Variants in GMCL1 observed in about 807,000 individuals in gnomAD.
The protein encoded by GMCL1 is germ cell-less protein-like 1.
Under a neutral mutation model 75.5 loss-of-function variants are expected in GMCL1, and 54 were observed. That is an observed-to-expected ratio of 0.71 (90% CI 0.57 to 0.90). GMCL1 has a LOEUF of 0.90. Ranked by LOEUF, GMCL1 falls within the 40% of genes least tolerant of loss-of-function variation. GMCL1 has a pLI of 0.00. For synonymous variants in GMCL1, 210 were observed against 209.6 expected, an observed-to-expected ratio of 1.00 and a Z score of -0.02; for missense variants, 537 against 622.7, an observed-to-expected ratio of 0.86 and a Z score of 1.47.
chr2:69,831,716 C>T (rs1674677872), intron 1 of GMCL1, among the ~76,000 whole-genome samples: 1 of 152,154 alleles, frequency 6.6e-6, no homozygotes, highest in African/African-American at 2.4e-5. Flanking sequence ...AGGCAATTCT[C>T]CCACCTCAGC....
intron 1 of GMCL1, among the ~76,000 whole-genome samples, chr2:69,832,386 C>T (rs1434646152): frequency 6.6e-6 from 1 of 152,178 alleles, no homozygotes; most frequent in Non-Finnish European, 1.5e-5. Flanking sequence ...AAATATGTCT[C>T]CTTGATGAAT....
At chr2:69,849,545 T>G in intron 7 of GMCL1, 107 bp from the exon 8 acceptor site, 1 of 655,094 alleles carries the variant, frequency 1.5e-6, no homozygotes, top group Non-Finnish European at 2.5e-6. Context: ...AAGTAGAAGT[T>G]AAATTTTTTA....
At chr2:69,835,364 T>G (rs1674789429) in intron 1 of GMCL1, among the ~76,000 whole-genome samples, 1 of 152,176 alleles carries the variant, frequency 6.6e-6, no homozygotes, top group Non-Finnish European at 1.5e-5. Context: ...CTAGGTATAC[T>G]GGTGAGAGGG....
At chr2:69,865,982 G>A (rs540953595) in intron 11 of GMCL1, among the ~76,000 whole-genome samples, 28 of 152,168 alleles carry the variant, frequency 1.8e-4, no homozygotes, top group Middle Eastern at 3.4e-3. Flanking sequence ...TGGGCACGGC[G>A]GCTCATGCCT....
rs556748121 is a variant in GMCL1, at chr2:69,850,888, A to T, written c.934+1146A>T. Among the ~76,000 whole-genome samples, 3 of 152,316 alleles carry T rather than the reference A, an allele frequency of 2.0e-5. No homozygotes were observed. The South Asian group carries it at 6.2e-4, about 32-fold the overall frequency. On this transcript the variant is annotated intron_variant, in intron 8 of 13. Coordinates refer to ENST00000282570, the MANE Select transcript of GMCL1 (RefSeq NM_178439.5). ...AATATATCATTTTGTTTTAGTTGTT[A>T]TGGAACTATGTCACATTGTGGCCTT...
In GMCL1 at chr2:69,854,851, T is replaced by A. The variant is rs185003963; in HGVS notation, c.963T>A (p.Thr321=). 2.5e-4 allele frequency: 400 copies of A among 1,610,502 alleles called. 2 individuals carry two copies. The highest frequency in any genetic ancestry group is 4.2e-4 in the Admixed American group (25 of 59,562). ...KDFEGMAFLE[T]EQGKPFVSVF... ...TTGAAGGTATGGCCTTTCTTGAAACTGAACAAGGAAAACCATTTGTGTCAG... is the reference window on the plus strand; with the variant it reads ...TTGAAGGTATGGCCTTTCTTGAAACAGAACAAGGAAAACCATTTGTGTCAG... The change falls in exon 9 of 14, where the codon ACT becomes ACA. Residue 321 remains threonine, a synonymous_variant. Coordinates refer to ENST00000282570, the MANE Select transcript of GMCL1 (RefSeq NM_178439.5).
Position 69,874,391 on chromosome 2 carries a change from T to G in GMCL1, c.1452+2559T>G, listed in dbSNP as rs184196731. On this transcript the variant is annotated intron_variant, in intron 13 of 13. Coordinates refer to ENST00000282570, the MANE Select transcript of GMCL1 (RefSeq NM_178439.5). ...TTTGTTTGTTTGTTTTGAGACAGAG[T>G]CTTGCTCTGTCGCCCAGGCTGGAGT... Among the ~76,000 whole-genome samples, 685 of 152,128 alleles carry G rather than the reference T, an allele frequency of 4.5e-3. 7 individuals carry two copies. Among genetic ancestry groups the G allele is most frequent in the African/African-American group, 0.014 (589 of 41,470 alleles).
chr2:69,860,587 A>T (rs72899283), intron 9 of GMCL1, among the ~76,000 whole-genome samples: 10,368 of 152,162 alleles, frequency 0.068, 936 homozygotes, highest in Admixed American at 0.22. Flanking sequence ...TTTCTGTCAG[A>T]ACTTCTGTAA....
intron 12 of GMCL1, among the ~76,000 whole-genome samples, chr2:69,870,842 T>C (rs1319142029): frequency 6.6e-6 from 1 of 152,056 alleles, no homozygotes; most frequent in Admixed American, 6.6e-5. Context: ...TAGCTATTAG[T>C]AAAAACAGAA....
intron 2 of GMCL1, among the ~76,000 whole-genome samples, chr2:69,838,929 A>G (rs1442656168): frequency 2.0e-5 from 3 of 152,340 alleles, no homozygotes; most frequent in East Asian, 3.9e-4. Context: ...ATTAGTTAAT[A>G]TTTGATCCAT....
chr2:69,855,016 T>C (rs1675430141), intron 9 of GMCL1, 56 bp downstream of exon 9: 6 of 1,281,246 alleles, frequency 4.7e-6, no homozygotes, highest in Non-Finnish European at 6.5e-6. Flanking sequence ...TAAAGTAATA[T>C]AGATCATAGA....
At chr2:69,836,323 A>C (rs1403763191) in intron 1 of GMCL1, among the ~76,000 whole-genome samples, 1 of 152,100 alleles carries the variant, frequency 6.6e-6, no homozygotes, top group Non-Finnish European at 1.5e-5. Flanking sequence ...GTGTGGACTT[A>C]TTCCTTTTTT....
intron 12 of GMCL1, among the ~76,000 whole-genome samples, 181 bp from the exon 13 acceptor site, chr2:69,871,564 A>G (rs544130034): frequency 6.6e-6 from 1 of 152,322 alleles, no homozygotes; most frequent in South Asian, 2.1e-4. Flanking sequence ...TCTTGGCCAG[A>G]TATGTATAAT....
intron 5 of GMCL1, among the ~76,000 whole-genome samples, chr2:69,843,641 T>C (rs906956168): frequency 1.3e-5 from 2 of 152,148 alleles, no homozygotes; most frequent in East Asian, 1.9e-4. Context: ...ATTTTAAAAA[T>C]TAGCCAGGCA....
Position 69,869,749 on chromosome 2 carries a change from G to A in GMCL1, c.1249G>A (p.Gly417Ser), listed in dbSNP as rs536022280. The change falls in exon 12 of 14, where the codon GGC becomes AGC. Residue 417 changes from glycine (G) to serine (S), a missense_variant. Gly to Ser is a moderately conservative substitution (Grantham distance 56). Coordinates refer to ENST00000282570, the MANE Select transcript of GMCL1 (RefSeq NM_178439.5). Reference protein sequence around the residue: ...YCWRWTGFNFGFDLLVTYTNR... With the variant: ...YCWRWTGFNFSFDLLVTYTNR... ...CTGGCGTTGGACAGGTTTTAACTTC[G>A]GCTTCGACCTACTTGTAACTTACAC... The A allele has an allele frequency of 1.6e-5, 26 of 1,613,616 alleles. No homozygotes were observed. The highest frequency in any genetic ancestry group is 5.0e-5 in the Admixed American group (3 of 59,964).
chr2:69,863,341 C>T (rs1166333555), intron 10 of GMCL1, among the ~76,000 whole-genome samples: 1 of 152,150 alleles, frequency 6.6e-6, no homozygotes, highest in African/African-American at 2.4e-5. Context: ...ATGTTCTGTT[C>T]AGCAGATACC....
intron 10 of GMCL1, among the ~76,000 whole-genome samples, chr2:69,862,614 C>G: frequency 6.6e-6 from 1 of 152,098 alleles, no homozygotes; most frequent in South Asian, 2.1e-4. Flanking sequence ...ACAAAATTAG[C>G]TGGGTGTGGT....
At chr2:69,854,348 A>G (rs10206461) in intron 8 of GMCL1, among the ~76,000 whole-genome samples, 10,376 of 152,212 alleles carry the variant, frequency 0.068, 934 homozygotes, top group Admixed American at 0.22. Flanking sequence ...ATTTCAATAG[A>G]GAATTAATAT....
intron 6 of GMCL1, among the ~76,000 whole-genome samples, chr2:69,846,211 G>A (rs1351369057): frequency 2.6e-5 from 4 of 151,884 alleles, no homozygotes; most frequent in African/African-American, 7.3e-5. Context: ...ATAAATCACC[G>A]TAGAATGTTT....
Sources: gnomAD v4.1 joint callset for allele counts (sites outside exome capture counted in the v4.1 genomes callset) on GRCh38, gnomAD v4.1.1 for gene constraint, MANE v1.5 for transcripts, NCBI Gene and HGNC (gene_info 2026-07-23, HGNC 2026-07-21) for gene names.